ZDHHC8: variants seen among roughly 807,000 people sequenced by gnomAD.
ZDHHC8 encodes the protein palmitoyltransferase ZDHHC8.
In ZDHHC8, 24 loss-of-function variants were observed where a neutral mutation model predicts 61.2. That is an observed-to-expected ratio of 0.39 (90% CI 0.28 to 0.55). ZDHHC8 has a LOEUF of 0.55. Among genes scored for constraint, ZDHHC8 ranks in the 20% least tolerant of loss-of-function variants. ZDHHC8 has a pLI of 0.60. For missense variants in ZDHHC8, 935 were observed against 1,102.1 expected, an observed-to-expected ratio of 0.85 and a Z score of 2.15; for synonymous variants, 523 against 492.5, an observed-to-expected ratio of 1.06 and a Z score of -0.82.
intron 1 of ZDHHC8, among the ~76,000 whole-genome samples, chr22:20,135,692 G>A (rs1568991158): frequency 1.3e-5 from 2 of 152,196 alleles, no homozygotes; most frequent in East Asian, 3.9e-4. Context: ...CCCCCTGCTG[G>A]GACCCACCGC....
rs2050486258 is a variant in ZDHHC8 at position 20,143,069 on chromosome 22, A to G, written c.1439A>G (p.Asp480Gly). The change falls in exon 10 of 11, where the codon GAC becomes GGC. Residue 480 changes from aspartate to glycine, a missense_variant. Around this residue, in one of 3 missense-constraint regions of ZDHHC8, gnomAD observed 692 missense variants for 731.4 expected, o/e 0.95. Transcript: ENST00000334554. ...AACCGCAACGGCAGCCTGTCCTATG[A>G]CAGCCTGCTCAATCCTGGCTCGCCT... ...LPNRNGSLSY[D>G]SLLNPGSPGG... is the part of the protein sequence containing the mutation. 5 of 1,612,292 alleles carry G rather than the reference A, an allele frequency of 3.1e-6. No individual in the cohort carries two copies. The highest frequency in any genetic ancestry group is 4.2e-6 in the Non-Finnish European group (5 of 1,179,816).
chr22:20,147,440 G>A lies in ZDHHC8; in HGVS notation c.*2040G>A. The A allele has an allele frequency of 2.0e-6, 1 of 498,302 alleles. No homozygotes were observed. The highest frequency in any genetic ancestry group is 3.9e-5 in the South Asian group (1 of 25,662). The allele number at this position is 498,302 out of a possible 1,614,324, so 30.9% of individuals were successfully genotyped here. A position where few individuals can be genotyped will look rare whatever the true frequency, so the allele number is the denominator to read the frequency against. ...TCCCCCACCTGCTGCAGGGGGTCCA[G>A]CACCCCACAGGGGGGCAGTCCCAGA... On this transcript the variant is annotated 3_prime_UTR_variant, in exon 11 of 11. Coordinates refer to ENST00000334554, the MANE Select transcript of ZDHHC8 (RefSeq NM_013373.4).
chr22:20,146,581 CAG>C lies in ZDHHC8; in HGVS notation c.*1182_*1183del, dbSNP rs1336809781. Reference sequence around the variant, plus strand: ...GGTGTGCAGGGGTCGGTGGGTTCCTCAGGGGCATTTCTGCCGACTTGGGCTGA... The same window carrying C: ...GGTGTGCAGGGGTCGGTGGGTTCCTCGGGCATTTCTGCCGACTTGGGCTGA... On this transcript the variant is annotated 3_prime_UTR_variant, in exon 11 of 11. Coordinates refer to ENST00000334554, the MANE Select transcript of ZDHHC8 (RefSeq NM_013373.4). The C allele has an allele frequency of 1.1e-5, 11 of 995,478 alleles. No homozygotes were observed. The highest frequency in any genetic ancestry group is 6.1e-5 in the Admixed American group (1 of 16,494). 61.7% of individuals were successfully genotyped at this position (995,478 alleles called of 1,614,324 possible).
rs1418353265 is a variant in ZDHHC8, at chr22:20,131,962, C to T, written c.15C>T (p.Pro5=). 5.4e-6 allele frequency: 7 copies of T among 1,289,444 alleles called. No individual in the cohort carries two copies. Among genetic ancestry groups the T allele is most frequent in the South Asian group, 1.6e-5 (1 of 63,734 alleles). 79.9% of individuals were successfully genotyped at this position (1,289,444 alleles called of 1,614,324 possible). A position where few individuals can be genotyped will look rare whatever the true frequency, so the allele number is the denominator to read the frequency against. Residue 5 remains proline, a synonymous_variant, in exon 1 of 11, where the codon CCC becomes CCT. Transcript: ENST00000334554. MPRS[P]GTRLKPAKYI... ...CGGCGCCCAGGATGCCCCGCAGCCCCGGGACGCGCCTCAAACCCGCCAAGT... is the reference window on the plus strand; with the variant it reads ...CGGCGCCCAGGATGCCCCGCAGCCCTGGGACGCGCCTCAAACCCGCCAAGT...
Position 20,142,985 on chromosome 22 carries a change from G to A in ZDHHC8, c.1355G>A (p.Arg452His), listed in dbSNP as rs374722785. The A allele has an allele frequency of 3.8e-5, 61 of 1,605,328 alleles. No individual in the cohort carries two copies. The highest frequency in any genetic ancestry group is 1.7e-4 in the Middle Eastern group (1 of 6,054). Residue 452 changes from arginine to histidine, a missense_variant, in exon 10 of 11, where the codon CGC becomes CAC. Transcript: ENST00000334554. ...GATCATGTGGCCCTGCAGCCCCTGC[G>A]CTCTGAGGGGGGGCCCCCCACGCCC... ...GGDHVALQPL[R>H]SEGGPPTPHR...
intron 1 of ZDHHC8, among the ~76,000 whole-genome samples, chr22:20,132,964 C>T (rs1269587239): frequency 6.6e-6 from 1 of 152,210 alleles, no homozygotes; most frequent in Non-Finnish European, 1.5e-5. Flanking sequence ...GTGGCACGAA[C>T]GATGGCCACC....
chr22:20,141,504 G>A lies in ZDHHC8; in HGVS notation c.1099G>A (p.Val367Met), dbSNP rs1485016058. 6.2e-7 allele frequency: 1 copy of A among 1,612,772 alleles called. No individual in the cohort carries two copies. Among genetic ancestry groups the A allele is most frequent in the Non-Finnish European group, 8.5e-7 (1 of 1,179,838 alleles). ...FRPAFPTGPK[V>M]PFCGPGEQVP... ...GCCGGCTTTCCCCACGGGTCCCAAG[G>A]TGCCCTTCTGTGGACCAGGCGAGCA... is the stretch of plus-strand genomic sequence containing the variant. Residue 367 changes from valine to methionine, a missense_variant, in exon 9 of 11, where the codon GTG becomes ATG. Transcript: ENST00000334554.
chr22:20,132,087 C>A, intron 1 of ZDHHC8, 36 bp downstream of exon 1: 1 of 1,209,246 alleles, frequency 8.3e-7, no homozygotes, highest in Non-Finnish European at 1.1e-6. Flanking sequence ...ACGCGGGCAG[C>A]GATGGGCAGG....
Position 20,141,002 on chromosome 22 carries a change from G to T in ZDHHC8, c.884G>T (p.Gly295Val). The T allele has an allele frequency of 6.2e-7, 1 of 1,610,996 alleles. No individual in the cohort carries two copies. Reference sequence around the variant, plus strand: ...GACAACGGGCTGAAGGCTGGCCTGGGCCGTAGCAAGGTGGGCGCCTGGGCT... The same window carrying T: ...GACAACGGGCTGAAGGCTGGCCTGGTCCGTAGCAAGGTGGGCGCCTGGGCT... ...LSDNGLKAGL[G>V]RSKSKGSLDR... Residue 295 changes from glycine to valine, a missense_variant, in exon 7 of 11, where the codon GGC becomes GTC. Physicochemically the swap from Gly to Val is moderately radical, Grantham distance 109 (BLOSUM62 -3). Around this residue, in one of 3 missense-constraint regions of ZDHHC8, gnomAD observed 692 missense variants for 731.4 expected, o/e 0.95. Coordinates refer to ENST00000334554, the MANE Select transcript of ZDHHC8 (RefSeq NM_013373.4).
chr22:20,135,384 C>T (rs1043833800), intron 1 of ZDHHC8, among the ~76,000 whole-genome samples: 2 of 152,242 alleles, frequency 1.3e-5, no homozygotes, highest in Admixed American at 6.5e-5. Context: ...CCTGACTTCA[C>T]TCCAGAGCCA....
intron 1 of ZDHHC8, among the ~76,000 whole-genome samples, chr22:20,138,485 A>G (rs1046662755): frequency 2.0e-5 from 3 of 152,142 alleles, no homozygotes; most frequent in African/African-American, 7.2e-5. Context: ...GTGAGGGCAC[A>G]CCTTATAGGG....
intron 1 of ZDHHC8, 120 bp downstream of exon 1, chr22:20,132,171 C>G (rs1296849574): frequency 4.0e-6 from 2 of 502,654 alleles, no homozygotes. Context: ...GGGCGGGGCG[C>G]CGGCTGCAGG....
chr22:20,138,846 C>T (rs1214587998), intron 1 of ZDHHC8, among the ~76,000 whole-genome samples: 1 of 152,144 alleles, frequency 6.6e-6, no homozygotes, highest in Admixed American at 6.5e-5. Context: ...GGGGCTCCCA[C>T]CTCCAGCCTG....
chr22:20,133,857 G>A (rs1490151964), intron 1 of ZDHHC8, among the ~76,000 whole-genome samples: 3 of 152,072 alleles, frequency 2.0e-5, no homozygotes, highest in South Asian at 2.1e-4. Flanking sequence ...TGTTCCTGGC[G>A]CCGCGTCTGC....
chr22:20,140,281 A>G (rs1227201441), intron 5 of ZDHHC8, 64 bp downstream of exon 5: 14 of 1,362,650 alleles, frequency 1.0e-5, no homozygotes, highest in East Asian at 5.0e-5. Flanking sequence ...GCATGGGGAC[A>G]GGGTGGGGGC....
At position 20,131,908 on chromosome 22, in the gene ZDHHC8, G is replaced by C; in HGVS notation, c.-40G>C. ...GGCCCGACCCCGGCCGGCCCTGCCC[G>C]CCCGGCCCCGGGGAGGGATGCGGCG... is the stretch of plus-strand genomic sequence containing the variant. On this transcript the variant is annotated 5_prime_UTR_variant, in exon 1 of 11. Coordinates refer to ENST00000334554, the MANE Select transcript of ZDHHC8 (RefSeq NM_013373.4). The C allele has an allele frequency of 1.7e-6, 1 of 602,876 alleles. No individual in the cohort carries two copies. Among genetic ancestry groups the C allele is most frequent in the Non-Finnish European group, 2.1e-6 (1 of 471,606 alleles). The allele number at this position is 602,876 out of a possible 1,614,324, so 37.3% of individuals were successfully genotyped here.
intron 4 of ZDHHC8, 79 bp from the exon 5 acceptor site, chr22:20,140,036 T>C: frequency 6.3e-7 from 1 of 1,594,260 alleles, no homozygotes. Flanking sequence ...GGAGGAGGTT[T>C]GTCCACAGGC....
chr22:20,140,478 G>A, intron 5 of ZDHHC8, 139 bp from the exon 6 acceptor site: 1 of 955,112 alleles, frequency 1.0e-6, no homozygotes, highest in Middle Eastern at 2.4e-4. Context: ...TATGTGAGGG[G>A]CAGCCCTGGG....
intron 1 of ZDHHC8, among the ~76,000 whole-genome samples, chr22:20,133,052 TG>T (rs2050391180): frequency 6.6e-6 from 1 of 152,136 alleles, no homozygotes; most frequent in African/African-American, 2.4e-5. Context: ...TCGTCACCTT[TG>T]CAAGAGTTTG....
Sources: allele counts gnomAD v4.1 joint callset (sites outside exome capture counted in the v4.1 genomes callset), GRCh38; gene constraint gnomAD v4.1.1; regional missense constraint gnomAD v4.1.1; transcripts MANE v1.5; gene names NCBI Gene and HGNC (gene_info 2026-07-23, HGNC 2026-07-21).